The following MGAM2 variants were observed in gnomAD, a reference collection of about 807,000 sequenced individuals.
The protein encoded by MGAM2 is maltase-glucoamylase 2 (putative), also known as probable maltase-glucoamylase 2.
In MGAM2, 98 loss-of-function variants were observed where a neutral mutation model predicts 96.1. The observed-to-expected ratio is 1.02, with a 90% CI of 0.87 to 1.21. The LOEUF (loss-of-function observed/expected upper bound fraction) is 1.21. Among genes scored for constraint, MGAM2 ranks in the 50% most tolerant of loss-of-function variants. MGAM2 has a pLI of 0.00. For missense variants in MGAM2, 2,055 were observed against 1,182.4 expected (o/e 1.74, Z -10.82); for synonymous variants, 749 against 414.8 (o/e 1.81, Z -9.79).
Position 142,162,021 on chromosome 7 carries a change from A to G in MGAM2, c.2484+17A>G. On this transcript the variant is annotated intron_variant, in intron 23 of 47. Transcript: ENST00000477922. Reference sequence around the variant, plus strand: ...GTTACCTCTGTAAGTATTTTGTTTGAGGAACACACAGCATATGTTCCTTGC... The same window carrying G: ...GTTACCTCTGTAAGTATTTTGTTTGGGGAACACACAGCATATGTTCCTTGC... 1 of 688,972 alleles carries G rather than the reference A, an allele frequency of 1.5e-6. No individual in the cohort carries two copies. 42.7% of individuals were successfully genotyped at this position (688,972 alleles called of 1,614,324 possible). A position where few individuals can be genotyped will look rare whatever the true frequency, so the allele number is the denominator to read the frequency against.
intron 31 of MGAM2, among the ~76,000 whole-genome samples, chr7:142,175,070 C>T (rs1217973580): frequency 3.9e-5 from 6 of 152,186 alleles, no homozygotes; most frequent in Admixed American, 6.5e-5. Context: ...TCCAATACTA[C>T]ATTGAATAGG....
At chr7:142,188,385 G>A (rs1406303541) in intron 36 of MGAM2, among the ~76,000 whole-genome samples, 1 of 152,028 alleles carries the variant, frequency 6.6e-6, no homozygotes, top group African/African-American at 2.4e-5. Flanking sequence ...TGGGAGGATT[G>A]TTTAAGACCA....
At chr7:142,143,948 T>C (rs1795312216) in intron 13 of MGAM2, 66 bp downstream of exon 13, 1 of 693,216 alleles carries the variant, frequency 1.4e-6, no homozygotes, top group African/African-American at 1.8e-5. Context: ...CAGATGAGTT[T>C]TGACCTTGAT....
At chr7:142,200,016 T>G (rs1261044310) in intron 45 of MGAM2, 48 bp downstream of exon 45, 1 of 616,078 alleles carries the variant, frequency 1.6e-6, no homozygotes, top group East Asian at 2.8e-5. Flanking sequence ...AGAAAAATCA[T>G]ACCATAGAGG....
chr7:142,180,955 G>A (rs1796519635), intron 32 of MGAM2, among the ~76,000 whole-genome samples: 1 of 152,108 alleles, frequency 6.6e-6, no homozygotes, highest in African/African-American at 2.4e-5. Flanking sequence ...CATTTTACTG[G>A]CTTCTTTGAA....
chr7:142,114,216 G>GAAAGAAAGAAAGAAAGAGAGAA (rs1554499599), intron 1 of MGAM2, among the ~76,000 whole-genome samples: 3 of 68,036 alleles, frequency 4.4e-5, no homozygotes, highest in Non-Finnish European at 8.2e-5. Context: ...GAAAGAAAGA[G>GAAAGAAAGAAAGAAAGAGAGAA]AGAAAGAAAG....
intron 46 of MGAM2, among the ~76,000 whole-genome samples, chr7:142,209,539 T>C (rs1007073643): frequency 3.3e-5 from 5 of 152,254 alleles, no homozygotes; most frequent in African/African-American, 1.2e-4. Context: ...ATTCTGCTTC[T>C]CTATTTTTAC....
At chr7:142,209,049 G>T (rs1159547994) in intron 46 of MGAM2, among the ~76,000 whole-genome samples, 1 of 152,128 alleles carries the variant, frequency 6.6e-6, no homozygotes, top group African/African-American at 2.4e-5. Context: ...GAGGATGTGG[G>T]TCTGGTCTTG....
chr7:142,171,581 T>A (rs1457124331), intron 28 of MGAM2, 141 bp downstream of exon 28: 2 of 414,086 alleles, frequency 4.8e-6, no homozygotes, highest in Admixed American at 8.1e-5. Flanking sequence ...AGAGCACGTG[T>A]CACATTCTTT....
At chr7:142,133,844 G>T (rs1002598755) in intron 6 of MGAM2, 137 bp from the exon 7 acceptor site, 2 of 520,562 alleles carry the variant, frequency 3.8e-6, no homozygotes, top group African/African-American at 2.0e-5. Context: ...CCCTAGAAAG[G>T]CCTTCAAAGG....
chr7:142,200,393 A>T (rs1453512568), intron 45 of MGAM2, among the ~76,000 whole-genome samples: 3 of 152,224 alleles, frequency 2.0e-5, no homozygotes, highest in Non-Finnish European at 4.4e-5. Flanking sequence ...TAGAGGTTAG[A>T]AAATTTCTTG....
intron 3 of MGAM2, among the ~76,000 whole-genome samples, chr7:142,129,320 A>G (rs1794815231): frequency 6.6e-6 from 1 of 152,090 alleles, no homozygotes; most frequent in Non-Finnish European, 1.5e-5. Context: ...CTTGTCTCAG[A>G]TGAGACTTTG....
chr7:142,211,497 A>G (rs1053591354), intron 46 of MGAM2, among the ~76,000 whole-genome samples: 1 of 152,222 alleles, frequency 6.6e-6, no homozygotes, highest in Non-Finnish European at 1.5e-5. Context: ...GAGAACATAA[A>G]TGACCTGATG....
intron 17 of MGAM2, among the ~76,000 whole-genome samples, chr7:142,156,711 G>A (rs1268099691): frequency 6.6e-6 from 1 of 152,164 alleles, no homozygotes; most frequent in Non-Finnish European, 1.5e-5. Context: ...GGTGCATAGA[G>A]TGGTCTCATG....
At chr7:142,212,768 C>T (rs1332426628) in intron 46 of MGAM2, among the ~76,000 whole-genome samples, 2 of 152,102 alleles carry the variant, frequency 1.3e-5, no homozygotes, top group Admixed American at 1.3e-4. Context: ...CAATATTAGA[C>T]AGATCAACAA....
chr7:142,189,042 A>G (rs898873393), intron 36 of MGAM2, among the ~76,000 whole-genome samples: 6 of 152,240 alleles, frequency 3.9e-5, no homozygotes, highest in Non-Finnish European at 5.9e-5. Flanking sequence ...TCCCTGGAGA[A>G]CATTACCATC....
At chr7:142,165,239 G>A (rs73741109) in intron 24 of MGAM2, among the ~76,000 whole-genome samples, 14,618 of 152,176 alleles carry the variant, frequency 0.096, 808 homozygotes, top group East Asian at 0.15. Context: ...GCGGGAGTCG[G>A]AACCCCGAGA....
At chr7:142,131,472 A>G in intron 4 of MGAM2, 46 bp from the exon 5 acceptor site, 3 of 693,282 alleles carry the variant, frequency 4.3e-6, no homozygotes, top group Non-Finnish European at 5.2e-6. Flanking sequence ...ACCAAACACT[A>G]AAAGTTAGTC....
At chr7:142,142,510 G>A (rs921227856) in intron 12 of MGAM2, among the ~76,000 whole-genome samples, 6 of 149,870 alleles carry the variant, frequency 4.0e-5, no homozygotes, top group African/African-American at 1.5e-4. Flanking sequence ...TAGTGGAGGT[G>A]CATAGTGGTG....
Sources: allele counts gnomAD v4.1 joint callset (sites outside exome capture counted in the v4.1 genomes callset), GRCh38; gene constraint gnomAD v4.1.1; transcripts MANE v1.5; gene names NCBI Gene and HGNC (gene_info 2026-07-23, HGNC 2026-07-21).